GIPC2: variants seen among roughly 807,000 people sequenced by gnomAD.
GIPC2 encodes the protein GIPC PDZ domain containing family member 2.
Under a neutral mutation model 30.6 loss-of-function variants are expected in GIPC2, and 30 were observed. That is an observed-to-expected ratio of 0.98 (90% CI 0.73 to 1.33). The LOEUF (loss-of-function observed/expected upper bound fraction) is 1.33. GIPC2 is among the 40% of genes most tolerant of loss of function. The pLI is 0.00. For missense variants in GIPC2, 414 were observed against 390.3 expected (o/e 1.06, Z -0.51); for synonymous variants, 167 against 150.0 (o/e 1.11, Z -0.83).
At chr1:78,091,456 G>A in intron 2 of GIPC2, 3 of 609,104 alleles carry the variant, frequency 4.9e-6, no homozygotes, top group Non-Finnish European at 9.0e-6. Flanking sequence ...GCCTGGCTTG[G>A]TGGCTGGCTC....
chr1:78,097,951 A>G (rs1326577818), intron 3 of GIPC2, among the ~76,000 whole-genome samples: 2 of 152,360 alleles, frequency 1.3e-5, no homozygotes, highest in East Asian at 1.9e-4. Flanking sequence ...AAGGCAGGCT[A>G]TATGATACAC....
intron 1 of GIPC2, among the ~76,000 whole-genome samples, chr1:78,078,201 A>AC (rs1405648752): frequency 5.9e-5 from 9 of 151,364 alleles, no homozygotes; most frequent in East Asian, 3.9e-4. Context: ...AAAAAAAAAA[A>AC]AAAAAAAAAC....
At chr1:78,045,010 A>C, upstream of GIPC2, 1 of 759,632 alleles carries the variant, frequency 1.3e-6, no homozygotes, top group Non-Finnish European at 1.6e-6. Flanking sequence ...GTTAGCAAGG[A>C]GCAGGGTGGG....
intron 4 of GIPC2, among the ~76,000 whole-genome samples, chr1:78,120,607 A>G (rs1264182029): frequency 6.6e-6 from 1 of 152,188 alleles, no homozygotes; most frequent in Non-Finnish European, 1.5e-5. Context: ...TAACGGACTC[A>G]CAGTTCCACA....
chr1:78,049,670 A>G (rs11810603), intron 1 of GIPC2, among the ~76,000 whole-genome samples: 2,495 of 152,298 alleles, frequency 0.016, 59 homozygotes, highest in African/African-American at 0.056. Context: ...TAATGTGCCC[A>G]CAGCTGTGCT....
chr1:78,070,446 C>T (rs554160621), intron 1 of GIPC2, among the ~76,000 whole-genome samples: 4 of 152,246 alleles, frequency 2.6e-5, no homozygotes, highest in African/African-American at 7.2e-5. Context: ...TTCAAATTGG[C>T]ATGCAATGTT....
rs1052147085 is a variant in GIPC2 at position 78,137,163 on chromosome 1, G to T, written c.*1420G>T. 6.6e-6 allele frequency: 1 copy of T among 152,098 alleles called. No homozygotes were observed. The highest frequency in any genetic ancestry group is 1.5e-5 in the Non-Finnish European group (1 of 67,984). The allele number at this position is 152,098 out of a possible 1,614,324, so 9.4% of individuals were successfully genotyped here. A position where few individuals can be genotyped will look rare whatever the true frequency, so the allele number is the denominator to read the frequency against. On this transcript the variant is annotated 3_prime_UTR_variant, in exon 6 of 6. Transcript: ENST00000370759. ...CAGAAGCTGTTTTAGTCATTAATGTGTAACAAAAGTAGCTTATAGAATATG... is the reference window on the plus strand; with the variant it reads ...CAGAAGCTGTTTTAGTCATTAATGTTTAACAAAAGTAGCTTATAGAATATG...
At chr1:78,058,890 G>A (rs763362604) in intron 1 of GIPC2, among the ~76,000 whole-genome samples, 16 of 152,134 alleles carry the variant, frequency 1.1e-4, no homozygotes, top group South Asian at 2.1e-4. Flanking sequence ...GATAAAAAGG[G>A]ACTCTATGGT....
At chr1:78,062,941 C>T (rs1324079678) in intron 1 of GIPC2, among the ~76,000 whole-genome samples, 1 of 152,142 alleles carries the variant, frequency 6.6e-6, no homozygotes, top group East Asian at 1.9e-4. Flanking sequence ...GTAAATTACT[C>T]AAGTTTCACA....
Position 78,095,146 on chromosome 1 carries a change from T to C in GIPC2, c.607+14T>C. 1 of 1,593,810 alleles carries C rather than the reference T, an allele frequency of 6.3e-7. No homozygotes were observed. The highest frequency in any genetic ancestry group is 8.6e-7 in the Non-Finnish European group (1 of 1,163,082). On this transcript the variant is annotated intron_variant, in intron 3 of 5. Transcript: ENST00000370759. ...AGAAGGCATTTGGTAAGTCAGGGGT[T>C]GGTGGGCGGGTGTGTGAAATGTTTG...
chr1:78,103,431 T>C lies in GIPC2; in HGVS notation c.607+8299T>C, dbSNP rs543687365. 1.4e-4 allele frequency among the ~76,000 whole-genome samples: 21 copies of C among 152,312 alleles called. No homozygotes were observed. The South Asian group carries it at 4.4e-3, about 32-fold the overall frequency. The stretch of plus-strand genomic sequence containing the variant: ...TTTGAGGATGAAATGAGTTAATGTA[T>C]GTATGTGCTTAGAACAGTGTTATGT... On this transcript the variant is annotated intron_variant, in intron 3 of 5. Coordinates refer to ENST00000370759, the MANE Select transcript of GIPC2 (RefSeq NM_017655.6).
chr1:78,101,313 A>T (rs570349802), intron 3 of GIPC2, among the ~76,000 whole-genome samples: 1 of 152,214 alleles, frequency 6.6e-6, no homozygotes, highest in Non-Finnish European at 1.5e-5. Flanking sequence ...AATAAAGGCC[A>T]TTAGAAAATG....
intron 1 of GIPC2, among the ~76,000 whole-genome samples, chr1:78,068,141 C>T (rs1427295612): frequency 6.6e-6 from 1 of 151,854 alleles, no homozygotes; most frequent in Non-Finnish European, 1.5e-5. Flanking sequence ...AAAAAAAAAA[C>T]CTTTTAGTAA....
At chr1:78,122,668 C>G (rs1662706000) in intron 4 of GIPC2, among the ~76,000 whole-genome samples, 2 of 152,202 alleles carry the variant, frequency 1.3e-5, no homozygotes, top group South Asian at 4.1e-4. Context: ...AGGTCCCTCC[C>G]TTGACACGTG....
At chr1:78,051,759 T>C (rs942001081) in intron 1 of GIPC2, among the ~76,000 whole-genome samples, 1 of 152,176 alleles carries the variant, frequency 6.6e-6, no homozygotes, top group African/African-American at 2.4e-5. Flanking sequence ...CCTCCCAAAG[T>C]GCTAGGATTA....
rs968197920 is a variant in GIPC2 at position 78,046,037 on chromosome 1, C to CG, written c.-52dup. ...GCCCGGGGCGCAAAGTCCGAGGCGC[C>CG]GGGGGGAGGAGGCGGCGGACGGCAG... On this transcript the variant is annotated 5_prime_UTR_variant, in exon 1 of 6. Coordinates refer to ENST00000370759, the MANE Select transcript of GIPC2 (RefSeq NM_017655.6). 196 of 1,399,572 alleles carry CG rather than the reference C, an allele frequency of 1.4e-4. 1 individual carries two copies. Among genetic ancestry groups the CG allele is most frequent in the South Asian group, 1.3e-4 (8 of 62,028 alleles). The allele number at this position is 1,399,572 out of a possible 1,614,324, so 86.7% of individuals were successfully genotyped here.
chr1:78,077,862 G>A (rs144365169), intron 1 of GIPC2, among the ~76,000 whole-genome samples: 2 of 152,280 alleles, frequency 1.3e-5, no homozygotes, highest in African/African-American at 4.8e-5. Flanking sequence ...CTTTTGATGA[G>A]TGAATGAGCA....
chr1:78,102,414 C>T (rs1023958616), intron 3 of GIPC2, among the ~76,000 whole-genome samples: 3 of 152,134 alleles, frequency 2.0e-5, no homozygotes, highest in African/African-American at 7.2e-5. Flanking sequence ...TTTGGATAGA[C>T]ATTTCAAACA....
chr1:78,065,972 C>T (rs1222792040), intron 1 of GIPC2, among the ~76,000 whole-genome samples: 1 of 152,100 alleles, frequency 6.6e-6, no homozygotes, highest in Non-Finnish European at 1.5e-5. Flanking sequence ...CCATTCTGGA[C>T]ATAGGAATGG....
Sources: gnomAD v4.1 joint callset for allele counts (sites outside exome capture counted in the v4.1 genomes callset) on GRCh38, gnomAD v4.1.1 for gene constraint, MANE v1.5 for transcripts, NCBI Gene and HGNC (gene_info 2026-07-23, HGNC 2026-07-21) for gene names.